POU2F3: variants seen among roughly 807,000 people sequenced by gnomAD.
POU2F3 encodes the protein POU class 2 homeobox 3, also known as POU domain, class 2, transcription factor 3.
Under a neutral mutation model 59.2 loss-of-function variants are expected in POU2F3, and 23 were observed. The observed-to-expected ratio is 0.39, with a 90% CI of 0.28 to 0.55. The LOEUF is 0.55. Among genes scored for constraint, POU2F3 ranks in the 20% least tolerant of loss-of-function variants. POU2F3 has a pLI of 0.66. For missense variants in POU2F3, 473 were observed against 544.5 expected (o/e 0.87, Z 1.31); for synonymous variants, 190 against 214.6 (o/e 0.89, Z 1.00).
At chr11:120,263,274 C>T (rs935166984) in intron 2 of POU2F3, among the ~76,000 whole-genome samples, 32 of 152,042 alleles carry the variant, frequency 2.1e-4, no homozygotes, top group Admixed American at 5.2e-4. Context: ...ACAGGCGTGA[C>T]CCACCGCGCC....
chr11:120,311,613 G>T lies in POU2F3; in HGVS notation c.1068+2027G>T, dbSNP rs139023770. On this transcript the variant is annotated intron_variant, in intron 10 of 12. Coordinates refer to ENST00000543440, the MANE Select transcript of POU2F3 (RefSeq NM_014352.4). ...TGGCTTGGGAGTGGGAAGAAGTGATGATTTCAGTTCTTATGTCATCATGAT... is the reference window on the plus strand; with the variant it reads ...TGGCTTGGGAGTGGGAAGAAGTGATTATTTCAGTTCTTATGTCATCATGAT... Among the ~76,000 whole-genome samples the T allele has an allele frequency of 7.9e-5, 12 of 152,314 alleles. No homozygotes were observed. The East Asian group carries it at 1.7e-3, about 22-fold the overall frequency.
intron 3 of POU2F3, among the ~76,000 whole-genome samples, chr11:120,273,657 G>A (rs1940175286): frequency 1.3e-5 from 2 of 152,152 alleles, no homozygotes; most frequent in Admixed American, 1.3e-4. Context: ...ATGAACTGAT[G>A]CAAGAGAGGC....
intron 6 of POU2F3, 85 bp downstream of exon 6, chr11:120,302,453 A>G: frequency 7.7e-7 from 1 of 1,300,952 alleles, no homozygotes; most frequent in Non-Finnish European, 1.1e-6. Flanking sequence ...CTACCCCTTT[A>G]ACAGGGCACT....
At chr11:120,316,018 G>C (rs907874134) in intron 11 of POU2F3, among the ~76,000 whole-genome samples, 8 of 152,068 alleles carry the variant, frequency 5.3e-5, no homozygotes, top group Admixed American at 5.2e-4. Flanking sequence ...GATTACAGGC[G>C]TGTGCCACCA....
At chr11:120,236,811 C>G (rs991570372), upstream of POU2F3, 7 of 1,181,386 alleles carry the variant, frequency 5.9e-6, no homozygotes, top group Admixed American at 4.0e-5. Context: ...TCCCCCTCAA[C>G]CCTATACACA....
At chr11:120,309,731 C>T (rs914550434) in intron 10 of POU2F3, 145 bp downstream of exon 10, 19 of 998,890 alleles carry the variant, frequency 1.9e-5, no homozygotes, top group African/African-American at 1.1e-4. Context: ...TAAAGAAGGG[C>T]GAGGGAATAG....
intron 3 of POU2F3, among the ~76,000 whole-genome samples, chr11:120,293,746 C>T (rs1941108843): frequency 6.6e-6 from 1 of 152,046 alleles, no homozygotes; most frequent in Admixed American, 6.6e-5. Context: ...GATGAGTACC[C>T]CAGCCTCACC....
At chr11:120,236,777 G>A (rs1591364262), upstream of POU2F3, 5 of 1,382,614 alleles carry the variant, frequency 3.6e-6, no homozygotes, top group East Asian at 2.5e-5. Context: ...GTCTGAGAGA[G>A]AAGGAATAAA....
At chr11:120,266,503 C>T (rs754047561) in intron 2 of POU2F3, among the ~76,000 whole-genome samples, 27 of 152,112 alleles carry the variant, frequency 1.8e-4, no homozygotes, top group Non-Finnish European at 2.6e-4. Flanking sequence ...GTCTTTATCA[C>T]GACCCAACCA....
chr11:120,255,442 G>A (rs1939297531), intron 2 of POU2F3, among the ~76,000 whole-genome samples: 1 of 152,128 alleles, frequency 6.6e-6, no homozygotes, highest in South Asian at 2.1e-4. Flanking sequence ...AATTTGCATA[G>A]GGCGATGATT....
intron 10 of POU2F3, among the ~76,000 whole-genome samples, chr11:120,310,901 A>G (rs1473401670): frequency 4.6e-5 from 7 of 152,258 alleles, no homozygotes; most frequent in Non-Finnish European, 1.0e-4. Flanking sequence ...GGAAAACAGC[A>G]TGATCATTTC....
At chr11:120,298,418 A>T in intron 4 of POU2F3, 28 bp downstream of exon 4, 1 of 1,612,764 alleles carries the variant, frequency 6.2e-7, no homozygotes, top group Non-Finnish European at 8.5e-7. Flanking sequence ...ACAGTGGGCC[A>T]GTGTGTTTAA....
chr11:120,252,459 C>T (rs1043654814), intron 2 of POU2F3, among the ~76,000 whole-genome samples: 1 of 152,116 alleles, frequency 6.6e-6, no homozygotes, highest in African/African-American at 2.4e-5. Context: ...TTGCCTGCAT[C>T]GGCCTCCCAA....
At chr11:120,261,178 G>GTGTGTA (rs766589384) in intron 2 of POU2F3, 3,723 of 151,226 alleles carry the variant, frequency 0.025, 71 homozygotes, top group Middle Eastern at 0.051. Context: ...GTGTGTGTGT[G>GTGTGTA]TGTGTGTGTG....
At position 120,296,933 on chromosome 11, in the gene POU2F3, G is replaced by T. The variant is rs17123815; in HGVS notation, c.133-1332G>T. 6.6e-5 allele frequency among the ~76,000 whole-genome samples: 10 copies of T among 151,994 alleles called. No individual in the cohort carries two copies. In the East Asian group the frequency reaches 1.3e-3, roughly 20 times the overall value. On this transcript the variant is annotated intron_variant, in intron 3 of 12. Transcript: ENST00000543440. ...GTGATCCAAAGCACCATTTTTTTCC[G>T]CAAGAATTAAGCACAAGTTTAGCTG...
At position 120,261,534 on chromosome 11, in the gene POU2F3, G is replaced by T. The variant is rs1030303059; in HGVS notation, c.98-7676G>T. Among the ~76,000 whole-genome samples, 3 of 152,184 alleles carry T rather than the reference G, an allele frequency of 2.0e-5. No homozygotes were observed. The East Asian group carries it at 5.8e-4, about 29-fold the overall frequency. On this transcript the variant is annotated intron_variant, in intron 2 of 12. Coordinates refer to ENST00000543440, the MANE Select transcript of POU2F3 (RefSeq NM_014352.4). ...CTGTTGGCCCTTCCTACTTGGCACAGATCTCATCCATTTGCTCCCAAGACC... is the reference window on the plus strand; with the variant it reads ...CTGTTGGCCCTTCCTACTTGGCACATATCTCATCCATTTGCTCCCAAGACC...
chr11:120,309,418 C>A lies in POU2F3; in HGVS notation c.907-7C>A, dbSNP rs1380325535. 8.7e-6 allele frequency: 14 copies of A among 1,609,406 alleles called. No homozygotes were observed. Among genetic ancestry groups the A allele is most frequent in the Non-Finnish European group, 1.1e-5 (13 of 1,175,952 alleles). On this transcript the variant is annotated splice_polypyrimidine_tract_variant and splice_region_variant and intron_variant, in intron 9 of 12. Coordinates refer to ENST00000543440, the MANE Select transcript of POU2F3 (RefSeq NM_014352.4). Reference sequence around the variant, plus strand: ...TTGGCCATACTCTGTCCTTTCGGTGCCTATAGAACCCAAAACCCAGCTCGG... The same window carrying A: ...TTGGCCATACTCTGTCCTTTCGGTGACTATAGAACCCAAAACCCAGCTCGG...
intron 3 of POU2F3, 41 bp from the exon 4 acceptor site, chr11:120,298,224 G>C (rs754055602): frequency 6.3e-7 from 1 of 1,577,550 alleles, no homozygotes; most frequent in Admixed American, 1.8e-5. Flanking sequence ...ACTGCCTGAC[G>C]GGATCCAGCA....
Position 120,317,380 on chromosome 11 carries a change from CG to C in POU2F3, c.1271+18del, listed in dbSNP as rs768447217. 43 of 1,613,704 alleles carry C rather than the reference CG, an allele frequency of 2.7e-5. No individual in the cohort carries two copies. In the African/African-American group the frequency reaches 5.5e-4, roughly 21 times the overall value. ...ACTCTTCAGGGTAAGGTGAAGGGGACGGTGCAGAGACATCCCAGCAGGGCCA... is the reference window on the plus strand; with the variant it reads ...ACTCTTCAGGGTAAGGTGAAGGGGACGTGCAGAGACATCCCAGCAGGGCCA... On this transcript the variant is annotated intron_variant, in intron 12 of 12. Transcript: ENST00000543440.
Sources: gnomAD v4.1 joint callset for allele counts (sites outside exome capture counted in the v4.1 genomes callset) on GRCh38, gnomAD v4.1.1 for gene constraint, MANE v1.5 for transcripts, NCBI Gene and HGNC (gene_info 2026-07-23, HGNC 2026-07-21) for gene names.